The following AHNAK variants were observed in gnomAD, a reference collection of about 807,000 sequenced individuals.
AHNAK encodes neuroblast differentiation-associated protein AHNAK.
Under a neutral mutation model 37.8 loss-of-function variants are expected in AHNAK, and 23 were observed. The ratio of observed to expected loss-of-function variants is 0.61; its 90% CI spans 0.44 to 0.86. The LOEUF (loss-of-function observed/expected upper bound fraction) is 0.86. Ranked by LOEUF, AHNAK falls within the 40% of genes least tolerant of loss-of-function variation. The pLI is 0.00. For synonymous variants in AHNAK, 2,481 were observed against 2,636.3 expected, an observed-to-expected ratio of 0.94 and a Z score of 1.80; for missense variants, 7,411 against 7,319.4, an observed-to-expected ratio of 1.01 and a Z score of -0.46.
chr11:62,449,750 C>T (rs533898907), intron 5 of AHNAK, among the ~76,000 whole-genome samples: 30 of 152,200 alleles, frequency 2.0e-4, no homozygotes, highest in Non-Finnish European at 4.1e-4. Flanking sequence ...TGTGGTGGTT[C>T]GTCCCGGCTC....
chr11:62,456,401 CGCT>C (rs1938659109), intron 5 of AHNAK, among the ~76,000 whole-genome samples: 1 of 152,136 alleles, frequency 6.6e-6, no homozygotes, highest in Non-Finnish European at 1.5e-5. Context: ...GCAGTTTGCA[CGCT>C]TATTTCATTC....
At position 62,531,278 on chromosome 11, in the gene AHNAK, C is replaced by G. The variant is rs1220953359; in HGVS notation, c.3139G>C (p.Glu1047Gln). 1 of 1,613,488 alleles carries G rather than the reference C, an allele frequency of 6.2e-7. No homozygotes were observed. Among genetic ancestry groups the G allele is most frequent in the Non-Finnish European group, 8.5e-7 (1 of 1,179,756 alleles). Residue 1047 changes from glutamate to glutamine, a missense_variant, in exon 5 of 5, where the codon GAA becomes CAA. Coordinates refer to ENST00000378024, the MANE Select transcript of AHNAK (RefSeq NM_001620.3). ...NAPDLSLEGP[E>Q]GKLKGPKFKM... ...AACTTCGGGCCTTTCAACTTCCCTTCAGGTCCTTCAAGGCTCAGATCTGGA... is the reference window on the plus strand; with the variant it reads ...AACTTCGGGCCTTTCAACTTCCCTTGAGGTCCTTCAAGGCTCAGATCTGGA...
At chr11:62,439,819 C>G (rs553186042) in intron 5 of AHNAK, among the ~76,000 whole-genome samples, 33 of 151,902 alleles carry the variant, frequency 2.2e-4, no homozygotes, top group Non-Finnish European at 2.9e-4. Context: ...AGGCACCCAC[C>G]ACCACACCTG....
chr11:62,487,882 G>A (rs17157338), intron 5 of AHNAK, among the ~76,000 whole-genome samples: 22,951 of 152,092 alleles, frequency 0.15, 4,001 homozygotes, highest in African/African-American at 0.42. Context: ...TCACATGCCC[G>A]TGAAGTGATG....
chr11:62,532,759 G>A lies in AHNAK; in HGVS notation c.1658C>T (p.Thr553Ile), dbSNP rs1382243849. The change falls in exon 5 of 5, where the codon ACA becomes ATA. Residue 553 changes from threonine (T) to isoleucine (I), a missense_variant. Thr to Ile is a moderately conservative substitution (Grantham distance 89, BLOSUM62 -1). Coordinates refer to ENST00000378024, the MANE Select transcript of AHNAK (RefSeq NM_001620.3). ...IETPNLEGTL[T>I]GPRLGSPSGK... is the part of the protein sequence containing the mutation. ...GGAAGGACTGCCAAGCCTAGGGCCTGTCAAGGTTCCCTCTAGGTTTGGTGT... is the reference window on the plus strand; with the variant it reads ...GGAAGGACTGCCAAGCCTAGGGCCTATCAAGGTTCCCTCTAGGTTTGGTGT... 1.4e-5 allele frequency: 23 copies of A among 1,614,004 alleles called. No homozygotes were observed. The highest frequency in any genetic ancestry group is 1.9e-5 in the Non-Finnish European group (23 of 1,180,034).
intron 5 of AHNAK, among the ~76,000 whole-genome samples, chr11:62,491,548 C>T (rs560019686): frequency 6.6e-6 from 1 of 152,234 alleles, no homozygotes; most frequent in East Asian, 1.9e-4. Context: ...TCTCACAAAG[C>T]TGAAAGAAGA....
chr11:62,452,669 C>T (rs890099707), intron 5 of AHNAK, among the ~76,000 whole-genome samples: 84 of 152,152 alleles, frequency 5.5e-4, no homozygotes, highest in Non-Finnish European at 3.7e-4. Context: ...CTTCAGCAAC[C>T]TCTGCACCCT....
intron 5 of AHNAK, among the ~76,000 whole-genome samples, chr11:62,485,381 G>A (rs918831777): frequency 6.6e-6 from 1 of 151,964 alleles, no homozygotes; most frequent in African/African-American, 2.4e-5. Flanking sequence ...CACAGAGTGA[G>A]ACCCTGTCAA....
chr11:62,458,207 T>G (rs779252930), intron 5 of AHNAK, among the ~76,000 whole-genome samples: 1 of 152,108 alleles, frequency 6.6e-6, no homozygotes, highest in African/African-American at 2.4e-5. Context: ...CGTGAGCCAC[T>G]GCACTGGGCC....
chr11:62,448,001 C>A (rs1025649370), intron 5 of AHNAK, among the ~76,000 whole-genome samples: 18 of 151,998 alleles, frequency 1.2e-4, no homozygotes, highest in African/African-American at 4.3e-4. Flanking sequence ...GGGCAGTGAC[C>A]TGAGAGGGGA....
Position 62,532,940 on chromosome 11 carries a change from T to C in AHNAK, c.1477A>G (p.Met493Val). Reference sequence around the variant, plus strand: ...GAGATTTTAGGTTTCTGAATAATCATTTCAGGAGTCTTCACTTTAGTACCT... The same window carrying C: ...GAGATTTTAGGTTTCTGAATAATCACTTCAGGAGTCTTCACTTTAGTACCT... The part of the protein sequence containing the change: ...MKGTKVKTPE[M>V]IIQKPKISMQ... Residue 493 changes from methionine (M) to valine (V), a missense_variant, in exon 5 of 5, where the codon ATG (methionine) becomes GTG (valine). Coordinates refer to ENST00000378024, the MANE Select transcript of AHNAK (RefSeq NM_001620.3). 2 of 1,614,126 alleles carry C rather than the reference T, an allele frequency of 1.2e-6. No homozygotes were observed. The highest frequency in any genetic ancestry group is 1.7e-6 in the Non-Finnish European group (2 of 1,180,022).
In AHNAK at chr11:62,520,778, C is replaced by A. The variant is rs772089687; in HGVS notation, c.13639G>T (p.Asp4547Tyr). 1 of 1,613,984 alleles carries A rather than the reference C, an allele frequency of 6.2e-7. No homozygotes were observed. The highest frequency in any genetic ancestry group is 1.7e-5 in the Admixed American group (1 of 59,998). Reference sequence around the variant, plus strand: ...ACATCCACTTTGGGACCTTTCAGATCTCCCTCCAGTTTAGGAACGGAAATG... The same window carrying A: ...ACATCCACTTTGGGACCTTTCAGATATCCCTCCAGTTTAGGAACGGAAATG... ...MDISVPKLEG[D>Y]LKGPKVDVKG... Residue 4547 changes from aspartate (D) to tyrosine (Y), a missense_variant, in exon 5 of 5, where the codon GAT (aspartate) becomes TAT (tyrosine). By Grantham distance (160) the Asp-to-Tyr change is radical (BLOSUM62 -3). Coordinates refer to ENST00000378024, the MANE Select transcript of AHNAK (RefSeq NM_001620.3).
At chr11:62,538,549 T>C (rs1362097971) in intron 1 of AHNAK, among the ~76,000 whole-genome samples, 1 of 152,134 alleles carries the variant, frequency 6.6e-6, no homozygotes, top group Admixed American at 6.5e-5. Context: ...CCGGAAAGTA[T>C]CAACAGTCAA....
At chr11:62,493,011 C>CTTTTTTTTTTTT (rs960994580) in intron 4 of AHNAK, among the ~76,000 whole-genome samples, 1 of 133,328 alleles carries the variant, frequency 7.5e-6, no homozygotes, top group Non-Finnish European at 1.6e-5. Flanking sequence ...CTTTTCTTTT[C>CTTTTTTTTTTTT]TTTTTTTTTT....
intron 5 of AHNAK, among the ~76,000 whole-genome samples, chr11:62,473,075 A>C (rs1939065687): frequency 8.2e-6 from 1 of 122,648 alleles, no homozygotes; most frequent in African/African-American, 3.5e-5. Flanking sequence ...ACAGAGCAAG[A>C]CTCCATCTCA....
rs1458986580 is a variant in AHNAK, at chr11:62,522,157, G to A, written c.12260C>T (p.Ala4087Val). The A allele has an allele frequency of 1.2e-6, 2 of 1,613,610 alleles. No individual in the cohort carries two copies. Among genetic ancestry groups the A allele is most frequent in the Non-Finnish European group, 1.7e-6 (2 of 1,179,940 alleles). Reference protein sequence around the residue: ...GPEVDVNLPKADIDVSGPKVD... With the variant: ...GPEVDVNLPKVDIDVSGPKVD... The stretch of plus-strand genomic sequence containing the variant: ...TTTGGGTCCTGAGACATCAATGTCA[G>A]CTTTGGGCAAATTAACATCCACTTC... Residue 4087 changes from alanine to valine, a missense_variant, in exon 5 of 5, where the codon GCT becomes GTT. Transcript: ENST00000378024.
Position 62,533,111 on chromosome 11 carries a change from C to G in AHNAK, c.1306G>C (p.Val436Leu). Reference protein sequence around the residue: ...GSKLNVPKMKVPKFSVSGAKG... With the variant: ...GSKLNVPKMKLPKFSVSGAKG... ...GCACCTGATACAGAGAACTTGGGGACTTTCATCTTGGGCACATTCAGTTTG... is the reference window on the plus strand; with the variant it reads ...GCACCTGATACAGAGAACTTGGGGAGTTTCATCTTGGGCACATTCAGTTTG... Residue 436 changes from valine (V) to leucine (L), a missense_variant, in exon 5 of 5, where the codon GTC (valine) becomes CTC (leucine). Coordinates refer to ENST00000378024, the MANE Select transcript of AHNAK (RefSeq NM_001620.3). 6.3e-7 allele frequency: 1 copy of G among 1,579,324 alleles called. No individual in the cohort carries two copies. Among genetic ancestry groups the G allele is most frequent in the Non-Finnish European group, 8.6e-7 (1 of 1,166,320 alleles).
chr11:62,476,779 G>A (rs1197784782), intron 5 of AHNAK, among the ~76,000 whole-genome samples: 1 of 152,110 alleles, frequency 6.6e-6, no homozygotes, highest in Non-Finnish European at 1.5e-5. Flanking sequence ...CCAAGAGAAA[G>A]AAGCTCCAAA....
rs769430719 is a variant in AHNAK at position 62,523,286 on chromosome 11, T to C, written c.11131A>G (p.Lys3711Glu). ...KGPEVDIKGP[K>E]VDIDTPDINI... ...ATGTCAGGAGTGTCAATGTCCACTTTGGGGCCCTTGATGTCCACCTCAGGG... is the reference window on the plus strand; with the variant it reads ...ATGTCAGGAGTGTCAATGTCCACTTCGGGGCCCTTGATGTCCACCTCAGGG... The change falls in exon 5 of 5, where the codon AAA becomes GAA. Residue 3711 changes from lysine (K) to glutamate (E), a missense_variant. Physicochemically the swap from Lys to Glu is moderately conservative, Grantham distance 56. Transcript: ENST00000378024. 3 of 1,614,132 alleles carry C rather than the reference T, an allele frequency of 1.9e-6. No individual in the cohort carries two copies. The South Asian group carries it at 3.3e-5, about 18-fold the overall frequency.
Sources: allele counts gnomAD v4.1 joint callset (sites outside exome capture counted in the v4.1 genomes callset), GRCh38; gene constraint gnomAD v4.1.1; transcripts MANE v1.5; gene names NCBI Gene and HGNC (gene_info 2026-07-23, HGNC 2026-07-21).